Variants in TTLL7 observed in about 807,000 individuals in gnomAD.
The protein encoded by TTLL7 is tubulin tyrosine ligase like 7.
TTLL7 carries 53 observed loss-of-function variants against 120.2 expected under a neutral mutation model. The ratio of observed to expected loss-of-function variants is 0.44; its 90% CI spans 0.35 to 0.55. The LOEUF is 0.55. Among genes scored for constraint, TTLL7 ranks in the 20% least tolerant of loss-of-function variants. The pLI is 0.00. For synonymous variants in TTLL7, 353 were observed against 351.7 expected, an observed-to-expected ratio of 1.00 and a Z score of -0.04; for missense variants, 803 against 1,054.7, an observed-to-expected ratio of 0.76 and a Z score of 3.31.
chr1:83,897,507 T>A (rs1656341435), intron 18 of TTLL7, among the ~76,000 whole-genome samples: 1 of 152,096 alleles, frequency 6.6e-6, no homozygotes, highest in Non-Finnish European at 1.5e-5. Context: ...ATGTGCCACT[T>A]AAATTAACAT....
At chr1:83,907,153 C>T (rs1240191545) in intron 16 of TTLL7, among the ~76,000 whole-genome samples, 3 of 152,006 alleles carry the variant, frequency 2.0e-5, no homozygotes, top group Admixed American at 6.6e-5. Context: ...GCATAATACA[C>T]TGCAAAACCA....
At chr1:83,975,523 T>C (rs1010544496) in intron 1 of TTLL7, among the ~76,000 whole-genome samples, 1 of 152,084 alleles carries the variant, frequency 6.6e-6, no homozygotes, top group Admixed American at 6.6e-5. Flanking sequence ...TTTCATTTAG[T>C]CCTCACAGAT....
intron 1 of TTLL7, among the ~76,000 whole-genome samples, chr1:83,996,925 C>T (rs956080506): frequency 6.6e-6 from 1 of 150,718 alleles, no homozygotes; most frequent in Non-Finnish European, 1.5e-5. Flanking sequence ...CATGCCAGTT[C>T]TGCTGTCCCC....
intron 12 of TTLL7, 36 bp downstream of exon 12, chr1:83,921,050 AT>A: frequency 1.3e-6 from 2 of 1,570,248 alleles, no homozygotes; most frequent in East Asian, 2.2e-5. Flanking sequence ...TTGATACTTC[AT>A]TTTTTCAATC....
At chr1:83,963,411 T>C (rs114066832) in intron 1 of TTLL7, among the ~76,000 whole-genome samples, 7,091 of 151,644 alleles carry the variant, frequency 0.047, 226 homozygotes, top group Middle Eastern at 0.11. Context: ...GAAGTCAACA[T>C]GAAGGAGGCA....
At chr1:83,973,819 G>A (rs12088308) in intron 1 of TTLL7, among the ~76,000 whole-genome samples, 3,279 of 152,004 alleles carry the variant, frequency 0.022, 54 homozygotes, top group African/African-American at 0.044. Flanking sequence ...TAAAAAGCAG[G>A]CAAGACTAAA....
At chr1:83,998,420 G>A (rs1653680320) in intron 1 of TTLL7, among the ~76,000 whole-genome samples, 1 of 152,160 alleles carries the variant, frequency 6.6e-6, no homozygotes, top group Non-Finnish European at 1.5e-5. Context: ...ATAAGTGGAT[G>A]ATGGCATGAG....
Position 83,921,365 on chromosome 1 carries a change from T to G in TTLL7, c.1172A>C (p.Lys391Thr), listed in dbSNP as rs1254619817. The change falls in exon 11 of 21, where the codon AAA becomes ACA. Residue 391 changes from lysine (K) to threonine (T), a missense_variant. Physicochemically the swap from Lys to Thr is moderately conservative, Grantham distance 78 (BLOSUM62 -1). Transcript: ENST00000260505. ...RTSDKRRNLAKQKAEAQRRLY... is the reference protein window; with the variant it reads ...RTSDKRRNLATQKAEAQRRLY... ...CCTCCTTTGAGCCTCAGCTTTTTGT[T>G]TGGCCAAGTTTCTTCTTTTGTCACT... is the stretch of plus-strand genomic sequence containing the variant. 1 of 1,611,502 alleles carries G rather than the reference T, an allele frequency of 6.2e-7. No individual in the cohort carries two copies. The highest frequency in any genetic ancestry group is 1.7e-5 in the Admixed American group (1 of 59,826).
intron 1 of TTLL7, among the ~76,000 whole-genome samples, chr1:83,970,773 T>C (rs1952066): frequency 0.48 from 72,230 of 151,870 alleles, 18,278 homozygotes; most frequent in Non-Finnish European, 0.57. Flanking sequence ...CTAGAAATAC[T>C]GGCAGGGGAG....
intron 20 of TTLL7, among the ~76,000 whole-genome samples, chr1:83,877,353 C>A (rs1654011753): frequency 6.6e-6 from 1 of 151,804 alleles, no homozygotes; most frequent in Admixed American, 6.6e-5. Context: ...GCCATAATGT[C>A]TTGGTCAGGT....
intron 9 of TTLL7, among the ~76,000 whole-genome samples, chr1:83,931,360 CT>C (rs1659582595): frequency 6.6e-6 from 1 of 152,070 alleles, no homozygotes. Flanking sequence ...GCTGTTCCCT[CT>C]GCACCACAGC....
rs746855209 is a variant in TTLL7 at position 83,867,260 on chromosome 1, G to A, written c.*2702C>T. ...CCTCCCAACACTTCCATGGTTTATT[G>A]TTGTGTCTTCTCTTAGTTGCTCATT... On this transcript the variant is annotated 3_prime_UTR_variant, in exon 21 of 21. Transcript: ENST00000260505. 2.6e-5 allele frequency: 4 copies of A among 151,744 alleles called. No homozygotes were observed. Among genetic ancestry groups the A allele is most frequent in the African/African-American group, 7.3e-5 (3 of 41,336 alleles). 9.4% of individuals were successfully genotyped at this position (151,744 alleles called of 1,614,324 possible).
rs1557598406 is a variant in TTLL7 at position 83,903,997 on chromosome 1, A to AT, written c.2208+81_2208+82insA. The AT allele has an allele frequency of 1.3e-5, 13 of 1,011,930 alleles. No homozygotes were observed. The East Asian group carries it at 2.9e-4, about 23-fold the overall frequency. The allele number at this position is 1,011,930 out of a possible 1,614,324, so 62.7% of individuals were successfully genotyped here. On this transcript the variant is annotated intron_variant, in intron 18 of 20. Coordinates refer to ENST00000260505, the MANE Select transcript of TTLL7 (RefSeq NM_024686.6). ...TGAGTAAACAAATGAGCAAATATAC[A>AT]GTCTGTCTATGAATTTGGCTTAATG... is the stretch of plus-strand genomic sequence containing the variant.
At chr1:83,904,184 A>C (rs1467622830) in intron 17 of TTLL7, 25 bp from the exon 18 acceptor site, 3 of 1,582,034 alleles carry the variant, frequency 1.9e-6, no homozygotes, top group East Asian at 4.5e-5. Context: ...GAACATTAAG[A>C]AATTTACAGG....
At position 83,937,854 on chromosome 1, in the gene TTLL7, A is replaced by C; in HGVS notation, c.886T>G (p.Ser296Ala). 1 of 1,613,916 alleles carries C rather than the reference A, an allele frequency of 6.2e-7. No homozygotes were observed. Among genetic ancestry groups the C allele is most frequent in the Non-Finnish European group, 8.5e-7 (1 of 1,179,834 alleles). Residue 296 changes from serine to alanine, a missense_variant and splice_region_variant, in exon 8 of 21, where the codon TCA (serine) becomes GCA (alanine). Physicochemically the swap from Ser to Ala is moderately conservative, Grantham distance 99 (BLOSUM62 1). This residue lies in a region of TTLL7 where 324 missense variants were observed against 507.7 expected (regional missense o/e 0.64). Transcript: ENST00000260505. ...HDVAKFWSDI[S>A]ELVVKTLIVA... The stretch of plus-strand genomic sequence containing the variant: ...ATTGTGGAATGGCATAATCTTACTG[A>C]AATATCACTCCAAAACTTAGCAACA...
chr1:83,941,317 A>T (rs1238658167), intron 7 of TTLL7, among the ~76,000 whole-genome samples: 1 of 152,202 alleles, frequency 6.6e-6, no homozygotes, highest in East Asian at 1.9e-4. Flanking sequence ...GAAGTCAAGC[A>T]CTGTATCTGT....
At chr1:83,985,977 CCAAA>C (rs368761605) in intron 1 of TTLL7, among the ~76,000 whole-genome samples, 312 of 152,170 alleles carry the variant, frequency 2.1e-3, no homozygotes, top group African/African-American at 6.6e-3. Flanking sequence ...TGGGATTTTG[CCAAA>C]CACTCAATGA....
chr1:83,919,635 T>G, intron 13 of TTLL7, 64 bp downstream of exon 13: 1 of 1,415,256 alleles, frequency 7.1e-7, no homozygotes, highest in Non-Finnish European at 9.4e-7. Flanking sequence ...CAAGGTGGCT[T>G]GTCTGTAAAG....
At chr1:83,988,226 G>A (rs547144745) in intron 1 of TTLL7, among the ~76,000 whole-genome samples, 2 of 152,246 alleles carry the variant, frequency 1.3e-5, no homozygotes, top group East Asian at 3.9e-4. Flanking sequence ...TCTTTTTATG[G>A]CTGCGTAGCA....
Sources: allele counts gnomAD v4.1 joint callset (sites outside exome capture counted in the v4.1 genomes callset), GRCh38; gene constraint gnomAD v4.1.1; regional missense constraint gnomAD v4.1.1; transcripts MANE v1.5; gene names NCBI Gene and HGNC (gene_info 2026-07-23, HGNC 2026-07-21).